SDR42E1: variants seen among roughly 807,000 people sequenced by gnomAD.
SDR42E1 encodes short-chain dehydrogenase/reductase family 42E member 1.
SDR42E1 carries 5 observed loss-of-function variants against 2.6 expected under a neutral mutation model. That is an observed-to-expected ratio of 1.94 (90% confidence interval 1.01 to 4.08). SDR42E1 has a LOEUF of 4.08. SDR42E1 is among the 30% of genes most tolerant of loss of function. The pLI is 0.00. For synonymous variants in SDR42E1, 231 were observed against 188.3 expected (o/e 1.23, Z -1.86); for missense variants, 596 against 478.6 (o/e 1.25, Z -2.29).
rs1912375482 is a variant in SDR42E1 at position 81,989,330 on chromosome 16, C to T, written c.*9781G>A. On this transcript the variant is annotated 3_prime_UTR_variant, in exon 3 of 3. Coordinates refer to ENST00000328945, the MANE Select transcript of SDR42E1 (RefSeq NM_145168.3). ...ACAGTAGTATGGGGAAAGACATGAACACCACAGCCCTGTTTTCTATACAAA... is the reference window on the plus strand; with the variant it reads ...ACAGTAGTATGGGGAAAGACATGAATACCACAGCCCTGTTTTCTATACAAA... 6.6e-6 allele frequency: 1 copy of T among 152,154 alleles called. No individual in the cohort carries two copies. Among genetic ancestry groups the T allele is most frequent in the South Asian group, 2.1e-4 (1 of 4,828 alleles). 9.4% of individuals were successfully genotyped at this position (152,154 alleles called of 1,614,324 possible).
At position 81,999,552 on chromosome 16, in the gene SDR42E1, G is replaced by A; in HGVS notation, c.741C>T (p.Ala247=). The change falls in exon 3 of 3, where the codon GCC becomes GCT. Residue 247 remains alanine (A), a synonymous_variant. Coordinates refer to ENST00000328945, the MANE Select transcript of SDR42E1 (RefSeq NM_145168.3). ...EALRADKGHI[A]SGQPYFISDG... ...CTGAGATGAAGTAGGGCTGCCCAGA[G>A]GCAATATGGCCCTTGTCAGCTCTCA... The A allele has an allele frequency of 4.3e-6, 7 of 1,614,134 alleles. No individual in the cohort carries two copies. The highest frequency in any genetic ancestry group is 5.1e-6 in the Non-Finnish European group (6 of 1,180,030).
chr16:81,991,338 T>TTGC lies in SDR42E1; in HGVS notation c.*7772_*7773insGCA, dbSNP rs1386671451. 2 of 152,174 alleles carry TTGC rather than the reference T, an allele frequency of 1.3e-5. No homozygotes were observed. The highest frequency in any genetic ancestry group is 4.8e-5 in the African/African-American group (2 of 41,420). The allele number at this position is 152,174 out of a possible 1,614,324, so 9.4% of individuals were successfully genotyped here. On this transcript the variant is annotated 3_prime_UTR_variant, in exon 3 of 3. Transcript: ENST00000328945. The stretch of plus-strand genomic sequence containing the variant: ...ACAGTTACTCATTTTTTGTAACAAA[T>TTGC]AGTTTACTTTAATTGCAAATGAAGT...
intron 1 of SDR42E1, among the ~76,000 whole-genome samples, chr16:82,005,745 C>CT (rs1426603320): frequency 2.0e-5 from 3 of 152,142 alleles, no homozygotes; most frequent in Admixed American, 2.0e-4. Context: ...TCAGTAATTG[C>CT]TCTCCCCTGG....
At chr16:82,003,625 C>A (rs1912841620) in intron 1 of SDR42E1, among the ~76,000 whole-genome samples, 1 of 152,218 alleles carries the variant, frequency 6.6e-6, no homozygotes, top group African/African-American at 2.4e-5. Flanking sequence ...AAGCTTCTTT[C>A]TCAATATTTA....
intron 1 of SDR42E1, among the ~76,000 whole-genome samples, chr16:82,002,098 G>T (rs1912787723): frequency 6.6e-6 from 1 of 151,986 alleles, no homozygotes; most frequent in Admixed American, 6.6e-5. Context: ...AGGCACCCAC[G>T]ACTGCAGCCA....
Position 81,999,494 on chromosome 16 carries a change from G to A in SDR42E1, c.799C>T (p.Arg267Trp), listed in dbSNP as rs545424632. Residue 267 changes from arginine to tryptophan, a missense_variant, in exon 3 of 3, where the codon CGG becomes TGG. Transcript: ENST00000328945. Reference protein sequence around the residue: ...GRPVNNFEFFRPLVEGLGYTF... With the variant: ...GRPVNNFEFFWPLVEGLGYTF... ...TAGCCCAGGCCCTCAACCAGAGGCCGGAAGAACTCAAAGTTGTTCACGGGT... is the reference window on the plus strand; with the variant it reads ...TAGCCCAGGCCCTCAACCAGAGGCCAGAAGAACTCAAAGTTGTTCACGGGT... The A allele has an allele frequency of 4.9e-5, 79 of 1,614,172 alleles. No homozygotes were observed. The highest frequency in any genetic ancestry group is 1.9e-4 in the African/African-American group (14 of 75,040).
chr16:81,999,812 G>C lies in SDR42E1; in HGVS notation c.481C>G (p.Gln161Glu), dbSNP rs1386084260. The change falls in exon 3 of 3, where the codon CAG (glutamine) becomes GAG (glutamate). Residue 161 changes from glutamine (Q) to glutamate (E), a missense_variant. Coordinates refer to ENST00000328945, the MANE Select transcript of SDR42E1 (RefSeq NM_145168.3). ...GTAGCATTCGCCTCCAGCACCTTCT[G>C]CTCTGCAATTGACTTTGTCCGAGAG... ...HYSRTKSIAE[Q>E]KVLEANATPL... The C allele has an allele frequency of 6.2e-7, 1 of 1,614,090 alleles. No individual in the cohort carries two copies. Among genetic ancestry groups the C allele is most frequent in the Non-Finnish European group, 8.5e-7 (1 of 1,180,038 alleles).
rs1402766827 is a variant in SDR42E1, at chr16:81,995,172, A to G, written c.*3939T>C. 1 of 152,226 alleles carries G rather than the reference A, an allele frequency of 6.6e-6. No individual in the cohort carries two copies. Among genetic ancestry groups the G allele is most frequent in the Non-Finnish European group, 1.5e-5 (1 of 68,086 alleles). The allele number at this position is 152,226 out of a possible 1,614,324, so 9.4% of individuals were successfully genotyped here. A position where few individuals can be genotyped will look rare whatever the true frequency, so the allele number is the denominator to read the frequency against. On this transcript the variant is annotated 3_prime_UTR_variant, in exon 3 of 3. Coordinates refer to ENST00000328945, the MANE Select transcript of SDR42E1 (RefSeq NM_145168.3). The stretch of plus-strand genomic sequence containing the variant: ...CATCCTTCCTTCATTGCGACCCTCC[A>G]TCAATCATATGGATAACCTCCCACA...
intron 1 of SDR42E1, among the ~76,000 whole-genome samples, chr16:82,005,210 G>A (rs1912895094): frequency 6.6e-6 from 1 of 152,122 alleles, no homozygotes; most frequent in African/African-American, 2.4e-5. Context: ...ATCAAGTAAG[G>A]AACATACAAC....
Position 82,003,953 on chromosome 16 carries a change from C to G in SDR42E1, c.-26-3069G>C, listed in dbSNP as rs780233994. On this transcript the variant is annotated intron_variant, in intron 1 of 2. Coordinates refer to ENST00000328945, the MANE Select transcript of SDR42E1 (RefSeq NM_145168.3). ...TGTGATGGGCACAAATTACCCAGGGCTCTGCAGTGTCTAAGAGCTGCTGTT... is the reference window on the plus strand; with the variant it reads ...TGTGATGGGCACAAATTACCCAGGGGTCTGCAGTGTCTAAGAGCTGCTGTT... Among the ~76,000 whole-genome samples, 8 of 152,266 alleles carry G rather than the reference C, an allele frequency of 5.3e-5. No individual in the cohort carries two copies. In the East Asian group the frequency reaches 1.2e-3, roughly 22 times the overall value.
At position 81,996,341 on chromosome 16, in the gene SDR42E1, T is replaced by A. The variant is rs1912541362; in HGVS notation, c.*2770A>T. Reference sequence around the variant, plus strand: ...TACCTTGGGCAGTTTTAAGGCATGATTACAAGTAAAAATCAACTGGCTTAA... The same window carrying A: ...TACCTTGGGCAGTTTTAAGGCATGAATACAAGTAAAAATCAACTGGCTTAA... On this transcript the variant is annotated 3_prime_UTR_variant, in exon 3 of 3. Coordinates refer to ENST00000328945, the MANE Select transcript of SDR42E1 (RefSeq NM_145168.3). 1 of 152,152 alleles carries A rather than the reference T, an allele frequency of 6.6e-6. No individual in the cohort carries two copies. The highest frequency in any genetic ancestry group is 1.5e-5 in the Non-Finnish European group (1 of 68,044). The allele number at this position is 152,152 out of a possible 1,614,324, so 9.4% of individuals were successfully genotyped here. A position where few individuals can be genotyped will look rare whatever the true frequency, so the allele number is the denominator to read the frequency against.
At chr16:82,010,687 G>T (rs369281856) in intron 1 of SDR42E1, among the ~76,000 whole-genome samples, 1 of 152,062 alleles carries the variant, frequency 6.6e-6, no homozygotes, top group Non-Finnish European at 1.5e-5. Context: ...TTTCCAGACC[G>T]AAAAACATGT....
intron 1 of SDR42E1, among the ~76,000 whole-genome samples, chr16:82,002,289 G>A (rs908856587): frequency 1.3e-5 from 2 of 152,118 alleles, no homozygotes; most frequent in African/African-American, 4.8e-5. Context: ...CAGTGAAGAC[G>A]TCTCGCCTCC....
rs1412939033 is a variant in SDR42E1, at chr16:82,000,184, G to T, written c.109C>A (p.Leu37Met). Reference sequence around the variant, plus strand: ...TGAGCAGGGCTGCTGATGTCAAACAGAATCACATGGACTCCATTTTGGTTC... The same window carrying T: ...TGAGCAGGGCTGCTGATGTCAAACATAATCACATGGACTCCATTTTGGTTC... ...ALNQNGVHVI[L>M]FDISSPAQTI... Residue 37 changes from leucine to methionine, a missense_variant, in exon 3 of 3, where the codon CTG (leucine) becomes ATG (methionine). Transcript: ENST00000328945. 1 of 1,610,952 alleles carries T rather than the reference G, an allele frequency of 6.2e-7. No individual in the cohort carries two copies. The highest frequency in any genetic ancestry group is 1.7e-5 in the Admixed American group (1 of 59,998).
chr16:81,999,836 A>C lies in SDR42E1; in HGVS notation c.457T>G (p.Ser153Ala). Reference protein sequence around the residue: ...LPLHLHPDHYSRTKSIAEQKV... With the variant: ...LPLHLHPDHYARTKSIAEQKV... ...TGCTCTGCAATTGACTTTGTCCGAG[A>C]GTAGTGATCAGGGTGGAGGTGAAGA... is the stretch of plus-strand genomic sequence containing the variant. Residue 153 changes from serine to alanine, a missense_variant, in exon 3 of 3, where the codon TCT (serine) becomes GCT (alanine). By Grantham distance (99) the Ser-to-Ala change is moderately conservative (BLOSUM62 1). Coordinates refer to ENST00000328945, the MANE Select transcript of SDR42E1 (RefSeq NM_145168.3). The C allele has an allele frequency of 6.2e-7, 1 of 1,614,162 alleles. No individual in the cohort carries two copies. The highest frequency in any genetic ancestry group is 8.5e-7 in the Non-Finnish European group (1 of 1,180,038).
At position 81,999,219 on chromosome 16, in the gene SDR42E1, A is replaced by T. The variant is rs1177707247; in HGVS notation, c.1074T>A (p.Ser358Arg). ...EWFKAHGHGR[S>R]SGSRDSECFV... ...AACACTCCGAGTCACGACTTCCAGA[A>T]CTTCTGCCATGACCATGGGCTTTAA... is the stretch of plus-strand genomic sequence containing the variant. The change falls in exon 3 of 3, where the codon AGT (serine) becomes AGA (arginine). Residue 358 changes from serine (S) to arginine (R), a missense_variant. Coordinates refer to ENST00000328945, the MANE Select transcript of SDR42E1 (RefSeq NM_145168.3). 6.2e-7 allele frequency: 1 copy of T among 1,614,078 alleles called. No homozygotes were observed. The highest frequency in any genetic ancestry group is 1.3e-5 in the African/African-American group (1 of 74,924).
rs1912473772 is a variant in SDR42E1, at chr16:81,993,483, A to G, written c.*5628T>C. 2 of 152,172 alleles carry G rather than the reference A, an allele frequency of 1.3e-5. No individual in the cohort carries two copies. Among genetic ancestry groups the G allele is most frequent in the Admixed American group, 6.5e-5 (1 of 15,278 alleles). The allele number at this position is 152,172 out of a possible 1,614,324, so 9.4% of individuals were successfully genotyped here. A position where few individuals can be genotyped will look rare whatever the true frequency, so the allele number is the denominator to read the frequency against. The stretch of plus-strand genomic sequence containing the variant: ...CTGCCCCCGTGCTTTTCTGGTTGTT[A>G]CAGTGAAAGGACCGATTCCAGAGCT... On this transcript the variant is annotated 3_prime_UTR_variant, in exon 3 of 3. Coordinates refer to ENST00000328945, the MANE Select transcript of SDR42E1 (RefSeq NM_145168.3).
At chr16:82,010,420 T>G (rs997420528) in intron 1 of SDR42E1, among the ~76,000 whole-genome samples, 1 of 152,136 alleles carries the variant, frequency 6.6e-6, no homozygotes, top group African/African-American at 2.4e-5. Flanking sequence ...CAGATTCGCT[T>G]AGGTCATTAT....
rs541154193 is a variant in SDR42E1, at chr16:81,990,985, T to C, written c.*8126A>G. On this transcript the variant is annotated 3_prime_UTR_variant, in exon 3 of 3. Coordinates refer to ENST00000328945, the MANE Select transcript of SDR42E1 (RefSeq NM_145168.3). ...GGTCTGTGCTCCACGCCCAGAATAG[T>C]GTAAGACTGCAGGGGAGGCAAAGAG... 70 of 152,360 alleles carry C rather than the reference T, an allele frequency of 4.6e-4. No individual in the cohort carries two copies. Among genetic ancestry groups the C allele is most frequent in the African/African-American group, 1.6e-3 (68 of 41,578 alleles). The allele number at this position is 152,360 out of a possible 1,614,324, so 9.4% of individuals were successfully genotyped here.
Sources: gnomAD v4.1 joint callset for allele counts (sites outside exome capture counted in the v4.1 genomes callset) on GRCh38, gnomAD v4.1.1 for gene constraint, MANE v1.5 for transcripts, NCBI Gene and HGNC (gene_info 2026-07-23, HGNC 2026-07-21) for gene names.